Variants in APC observed in about 807,000 individuals in gnomAD.
APC encodes the protein adenomatous polyposis coli protein.
In APC, 72 loss-of-function variants were observed where a neutral mutation model predicts 247.0. The ratio of observed to expected loss-of-function variants is 0.29; its 90% CI spans 0.24 to 0.35. The LOEUF is 0.35. Ranked by LOEUF, APC falls within the 10% of genes least tolerant of loss-of-function variation. The probability of loss-of-function intolerance (pLI) is 1.00; values close to 1 mark genes in which losing one functional copy is unlikely to be tolerated. For synonymous variants in APC, 1,254 were observed against 1,162.5 expected (o/e 1.08, Z -1.60); for missense variants, 3,400 against 3,360.7 (o/e 1.01, Z -0.29).
intron 8 of APC, chr5:112,810,019 A>G (rs1761827971): frequency 2.7e-6 from 1 of 373,194 alleles, no homozygotes; most frequent in African/African-American, 2.2e-5. Context: ...GAAGAGAGCA[A>G]TTTTAGCTAA....
At position 112,838,303 on chromosome 5, in the gene APC, C is replaced by T. The variant is rs2149875738; in HGVS notation, c.2709C>T (p.Asp903=). ...EVSAIHTSQE[D]RSSGSTTELH... is the part of the protein sequence containing the mutation. ...CAGCCATTCATACCTCTCAGGAAGA[C>T]AGAAGTTCTGGGTCTACCACTGAAT... The change falls in exon 16 of 16, where the codon GAC becomes GAT. Residue 903 remains aspartate, a synonymous_variant. Coordinates refer to ENST00000257430, the MANE Select transcript of APC (RefSeq NM_000038.6). 6.2e-7 allele frequency: 1 copy of T among 1,614,198 alleles called. No homozygotes were observed. Among genetic ancestry groups the T allele is most frequent in the Non-Finnish European group, 8.5e-7 (1 of 1,180,044 alleles).
At chr5:112,737,311 A>T (rs75581138), upstream of APC, among the ~76,000 whole-genome samples, 6,177 of 152,208 alleles carry the variant, frequency 0.041, 381 homozygotes, top group African/African-American at 0.14. Context: ...TAAAGCTTCA[A>T]CTCAGGCAAC....
intron 1 of APC, chr5:112,738,524 T>G: frequency 1.0e-6 from 1 of 983,718 alleles, no homozygotes; most frequent in African/African-American, 1.7e-5. Context: ...GTGTGCCTGC[T>G]TTTGTAAAAC....
At chr5:112,714,790 A>G (rs576568695) in intron 1 of APC, among the ~76,000 whole-genome samples, 2 of 152,208 alleles carry the variant, frequency 1.3e-5, no homozygotes, top group African/African-American at 4.8e-5. Context: ...ATCACACTCT[A>G]TGGGTATTAT....
Position 112,835,070 on chromosome 5 carries a change from T to C in APC, c.1863T>C (p.Thr621=), listed in dbSNP as rs72541808. The part of the protein sequence containing the change: ...GALAFLVGTL[T]YRSQTNTLAI... ...TTGCATTTTTGGTTGGCACTCTTAC[T>C]TACCGGAGCCAGACAAACACTTTAG... Residue 621 remains threonine (T), a synonymous_variant, in exon 15 of 16, where the codon ACT becomes ACC. Transcript: ENST00000257430. 17 of 1,614,042 alleles carry C rather than the reference T, an allele frequency of 1.1e-5. No individual in the cohort carries two copies. The highest frequency in any genetic ancestry group is 1.4e-5 in the Non-Finnish European group (16 of 1,180,016).
intron 8 of APC, among the ~76,000 whole-genome samples, chr5:112,806,044 G>T (rs1312559360): frequency 6.6e-6 from 1 of 152,006 alleles, no homozygotes; most frequent in African/African-American, 2.4e-5. Context: ...TATTTACTGG[G>T]CCTTCTCCTA....
At chr5:112,798,763 G>A (rs865865545) in intron 7 of APC, among the ~76,000 whole-genome samples, 3 of 152,158 alleles carry the variant, frequency 2.0e-5, no homozygotes, top group South Asian at 2.1e-4. Flanking sequence ...GGAAAGAGGA[G>A]GGAGGAAAGA....
chr5:112,797,779 T>G (rs1316123212), intron 7 of APC, among the ~76,000 whole-genome samples: 1 of 152,136 alleles, frequency 6.6e-6, no homozygotes, highest in East Asian at 1.9e-4. Flanking sequence ...GGCAAAAGAT[T>G]TAAATAGGCA....
chr5:112,765,849 T>G (rs1228063519), intron 2 of APC, among the ~76,000 whole-genome samples: 1 of 152,226 alleles, frequency 6.6e-6, no homozygotes, highest in East Asian at 1.9e-4. Context: ...ATTAGTATAC[T>G]AGCAGAATAT....
At chr5:112,813,706 CA>C (rs1762206932) in intron 8 of APC, among the ~76,000 whole-genome samples, 1 of 147,658 alleles carries the variant, frequency 6.8e-6, no homozygotes, top group Non-Finnish European at 1.5e-5. Context: ...TCACTTGAGC[CA>C]AAGAATTCAG....
At chr5:112,716,938 C>T (rs1451945689) in intron 1 of APC, among the ~76,000 whole-genome samples, 1 of 152,116 alleles carries the variant, frequency 6.6e-6, no homozygotes, top group Non-Finnish European at 1.5e-5. Context: ...TACCTTTATC[C>T]TATTCTCAGA....
Position 112,840,263 on chromosome 5 carries a change from A to G in APC, c.4669A>G (p.Ile1557Val), listed in dbSNP as rs763578917. 4.3e-5 allele frequency: 69 copies of G among 1,614,052 alleles called. No individual in the cohort carries two copies. The highest frequency in any genetic ancestry group is 1.7e-4 in the African/African-American group (13 of 74,946). Residue 1557 changes from isoleucine to valine, a missense_variant, in exon 16 of 16, where the codon ATT (isoleucine) becomes GTT (valine). Physicochemically the swap from Ile to Val is conservative, Grantham distance 29 (BLOSUM62 3). This residue lies in a region of APC where 1,788 missense variants were observed against 1,649.5 expected (regional missense o/e 1.08). Coordinates refer to ENST00000257430, the MANE Select transcript of APC (RefSeq NM_000038.6). This position sits in a 1 kb window ranked among gnomAD's most constrained non-coding sequence, Gnocchi z 4.1. ...ENQEKEAEKT[I>V]DSEKDLLDDS... ...CCAAGAGAAAGAGGCAGAAAAAACT[A>G]TTGATTCTGAAAAGGACCTATTAGA...
chr5:112,709,921 C>T (rs181405031), intron 1 of APC, among the ~76,000 whole-genome samples: 1 of 152,184 alleles, frequency 6.6e-6, no homozygotes, highest in East Asian at 1.9e-4. Context: ...CAAACAAACC[C>T]TCTCACTCTT....
chr5:112,790,975 A>G (rs866463416), intron 6 of APC, among the ~76,000 whole-genome samples: 1 of 152,206 alleles, frequency 6.6e-6, no homozygotes, highest in African/African-American at 2.4e-5. Flanking sequence ...TAGGATGTCA[A>G]TAACTATAGA....
intron 9 of APC, 111 bp from the exon 10 acceptor site, chr5:112,818,855 G>GGTTGTTTTGTTTTT: frequency 1.8e-6 from 2 of 1,118,296 alleles, no homozygotes; most frequent in Non-Finnish European, 1.3e-6. Flanking sequence ...GGCGGGGGGG[G>GGTTGTTTTGTTTTT]TTGTTTTGTT....
chr5:112,732,090 C>T (rs1311205892), intron 1 of APC, among the ~76,000 whole-genome samples: 3 of 152,176 alleles, frequency 2.0e-5, no homozygotes, highest in Non-Finnish European at 4.4e-5. Context: ...TTTATTAGTC[C>T]TTCATATTTT....
chr5:112,790,488 G>A (rs1759456049), intron 6 of APC, among the ~76,000 whole-genome samples: 1 of 151,944 alleles, frequency 6.6e-6, no homozygotes, highest in South Asian at 2.1e-4. Flanking sequence ...ACCCATGCCT[G>A]GCTAATTTCT....
At position 112,840,504 on chromosome 5, in the gene APC, A is replaced by G; in HGVS notation, c.4910A>G (p.Asp1637Gly). Residue 1637 changes from aspartate to glycine, a missense_variant, in exon 16 of 16, where the codon GAT becomes GGT. By Grantham distance (94) the Asp-to-Gly change is moderately conservative. Around this residue, in one of 9 missense-constraint regions of APC, gnomAD observed 1,788 missense variants for 1,649.5 expected, o/e 1.08. Coordinates refer to ENST00000257430, the MANE Select transcript of APC (RefSeq NM_000038.6). This position sits in a 1 kb window ranked among gnomAD's most constrained non-coding sequence, Gnocchi z 4.1. ...QKHVSFTPGD[D>G]MPRVYCVEGT... ...CATGTTAGTTTTACACCGGGGGATG[A>G]TATGCCACGGGTGTATTGTGTTGAA... 1.2e-6 allele frequency: 2 copies of G among 1,614,164 alleles called. No individual in the cohort carries two copies. Among genetic ancestry groups the G allele is most frequent in the Non-Finnish European group, 1.7e-6 (2 of 1,180,010 alleles).
chr5:112,841,097 A>G lies in APC; in HGVS notation c.5503A>G (p.Arg1835Gly), dbSNP rs879254181. ...GCTCCCAAATAATGAAGATAGAGTC[A>G]GAGGAAGTTTTGCTTTTGATTCACC... ...DKLPNNEDRV[R>G]GSFAFDSPHH... is the part of the protein sequence containing the mutation. The change falls in exon 16 of 16, where the codon AGA (arginine) becomes GGA (glycine). Residue 1835 changes from arginine to glycine, a missense_variant. Arg to Gly is a moderately radical substitution (Grantham distance 125). This residue lies in a region of APC where 1,788 missense variants were observed against 1,649.5 expected (regional missense o/e 1.08). Coordinates refer to ENST00000257430, the MANE Select transcript of APC (RefSeq NM_000038.6). The surrounding 1 kb of genome is among the most constrained non-coding windows in gnomAD (Gnocchi z 4.6). The G allele has an allele frequency of 6.2e-7, 1 of 1,613,096 alleles. No homozygotes were observed. Among genetic ancestry groups the G allele is most frequent in the Non-Finnish European group, 8.5e-7 (1 of 1,179,044 alleles).
Sources: allele counts gnomAD v4.1 joint callset (sites outside exome capture counted in the v4.1 genomes callset), GRCh38; gene constraint gnomAD v4.1.1; regional missense constraint gnomAD v4.1.1; non-coding constraint Gnocchi (gnomAD v3.1); transcripts MANE v1.5; gene names NCBI Gene and HGNC (gene_info 2026-07-23, HGNC 2026-07-21).